HPSE2: variants seen among roughly 807,000 people sequenced by gnomAD.
The protein encoded by HPSE2 is inactive heparanase-2.
Under a neutral mutation model 60.5 loss-of-function variants are expected in HPSE2, and 38 were observed. The observed-to-expected ratio is 0.63, with a 90% CI of 0.48 to 0.82. The LOEUF (loss-of-function observed/expected upper bound fraction) is 0.82. Ranked by LOEUF, HPSE2 falls within the 40% of genes least tolerant of loss-of-function variation. HPSE2 has a pLI of 0.00. For missense variants in HPSE2, 713 were observed against 740.4 expected (o/e 0.96, Z 0.43); for synonymous variants, 295 against 293.2 (o/e 1.01, Z -0.06).
the HPSE2 span, among the ~76,000 whole-genome samples, chr10:99,256,150 C>T: frequency 2.6e-5 from 4 of 151,480 alleles, no homozygotes; most frequent in Admixed American, 2.6e-4. Context: ...CTTCCTCCAC[C>T]ACTGAAGATC....
At chr10:99,260,068 C>T in the HPSE2 span, among the ~76,000 whole-genome samples, 1 of 152,060 alleles carries the variant, frequency 6.6e-6, no homozygotes, top group African/African-American at 2.4e-5. Flanking sequence ...GTAGCAGAAA[C>T]CCAGAATTTC....
intron 3 of HPSE2, among the ~76,000 whole-genome samples, chr10:98,893,949 G>A (rs1953411111): frequency 6.6e-6 from 1 of 151,632 alleles, no homozygotes; most frequent in Non-Finnish European, 1.5e-5. Context: ...TCCATAAAAA[G>A]TGGCAACAGT....
chr10:98,734,787 T>A (rs980244855), intron 4 of HPSE2, among the ~76,000 whole-genome samples: 1 of 148,296 alleles, frequency 6.7e-6, no homozygotes, highest in Admixed American at 6.7e-5. Flanking sequence ...TGACTCACAC[T>A]TTTTTTTTAA....
intron 3 of HPSE2, among the ~76,000 whole-genome samples, chr10:99,130,149 CA>C (rs960463016): frequency 2.2e-4 from 32 of 144,614 alleles, no homozygotes; most frequent in African/African-American, 4.0e-4. Flanking sequence ...AAATTGCCAA[CA>C]AAAAAAAAAG....
chr10:98,905,639 A>T (rs1230993219), intron 3 of HPSE2, among the ~76,000 whole-genome samples: 1 of 152,078 alleles, frequency 6.6e-6, no homozygotes, highest in Non-Finnish European at 1.5e-5. Flanking sequence ...CTGGTTATAA[A>T]ATTTTTCTCA....
At chr10:98,849,708 C>T (rs1460711523) in intron 3 of HPSE2, among the ~76,000 whole-genome samples, 1 of 151,936 alleles carries the variant, frequency 6.6e-6, no homozygotes, top group Non-Finnish European at 1.5e-5. Flanking sequence ...TTGTAATTGG[C>T]TATAAAATAA....
intron 3 of HPSE2, among the ~76,000 whole-genome samples, chr10:98,770,222 TC>T (rs1950210901): frequency 6.6e-6 from 1 of 152,226 alleles, no homozygotes. Context: ...GAGGGTCATT[TC>T]TTTAGATGGG....
intron 9 of HPSE2, among the ~76,000 whole-genome samples, chr10:98,520,834 C>T (rs1235620887): frequency 6.6e-6 from 1 of 152,096 alleles, no homozygotes; most frequent in Non-Finnish European, 1.5e-5. Context: ...GAAATAACAC[C>T]ACACATCTAC....
chr10:99,222,713 A>G (rs928609216), intron 2 of HPSE2, among the ~76,000 whole-genome samples: 4 of 152,170 alleles, frequency 2.6e-5, no homozygotes, highest in Non-Finnish European at 4.4e-5. Context: ...TTCCTAGAGA[A>G]ACTATAAGTC....
intron 2 of HPSE2, among the ~76,000 whole-genome samples, chr10:99,164,058 C>A (rs537005532): frequency 6.6e-6 from 1 of 151,432 alleles, no homozygotes; most frequent in Admixed American, 6.6e-5. Flanking sequence ...GCACATTATT[C>A]TGTAAACTTT....
chr10:98,657,485 C>T (rs976549843), intron 6 of HPSE2, among the ~76,000 whole-genome samples: 8 of 152,052 alleles, frequency 5.3e-5, no homozygotes, highest in African/African-American at 9.7e-5. Context: ...TATAGGTGCA[C>T]GCCACCACGC....
intron 3 of HPSE2, among the ~76,000 whole-genome samples, chr10:99,010,063 GCT>G (rs1564734293): frequency 6.6e-6 from 1 of 152,106 alleles, no homozygotes; most frequent in African/African-American, 2.4e-5. Context: ...CTTAGAATCC[GCT>G]CTGTTGTGAC....
At chr10:98,945,996 AT>A (rs1955171092) in intron 3 of HPSE2, among the ~76,000 whole-genome samples, 1 of 152,052 alleles carries the variant, frequency 6.6e-6, no homozygotes, top group African/African-American at 2.4e-5. Context: ...TATATCAGAA[AT>A]TTTTTTCAAG....
intron 9 of HPSE2, among the ~76,000 whole-genome samples, chr10:98,566,256 T>C (rs1944341980): frequency 6.6e-6 from 1 of 152,200 alleles, no homozygotes; most frequent in Admixed American, 6.5e-5. Context: ...AAAAGTGGCA[T>C]AGCTAGGATG....
intron 3 of HPSE2, among the ~76,000 whole-genome samples, chr10:99,131,730 T>C (rs917476440): frequency 6.6e-6 from 1 of 152,152 alleles, no homozygotes. Context: ...CAATGGACTT[T>C]GGAGACTCAG....
intron 9 of HPSE2, among the ~76,000 whole-genome samples, chr10:98,515,934 T>C (rs1324287692): frequency 2.0e-5 from 3 of 152,134 alleles, no homozygotes; most frequent in African/African-American, 7.2e-5. Context: ...CACTGAAACC[T>C]CCTCTAGGAA....
intron 5 of HPSE2, among the ~76,000 whole-genome samples, chr10:98,699,193 G>C (rs2134186596): frequency 6.6e-6 from 1 of 152,144 alleles, no homozygotes; most frequent in Admixed American, 6.6e-5. Context: ...AACAAAAAAA[G>C]AGAATTTTAG....
At chr10:98,836,013 T>C (rs1443741242) in intron 3 of HPSE2, among the ~76,000 whole-genome samples, 1 of 152,092 alleles carries the variant, frequency 6.6e-6, no homozygotes, top group Non-Finnish European at 1.5e-5. Context: ...CAGCAATCGA[T>C]CAAAAGGGGC....
At chr10:99,043,358 C>G (rs1444034177) in intron 3 of HPSE2, among the ~76,000 whole-genome samples, 2 of 152,070 alleles carry the variant, frequency 1.3e-5, no homozygotes, top group Non-Finnish European at 2.9e-5. Context: ...GTGGTGGGCA[C>G]CTGTAGTTCC....
Sources: allele counts gnomAD v4.1 joint callset (sites outside exome capture counted in the v4.1 genomes callset), GRCh38; gene constraint gnomAD v4.1.1; transcripts MANE v1.5; gene names NCBI Gene and HGNC (gene_info 2026-07-23, HGNC 2026-07-21).